MSRA: variants seen among roughly 807,000 people sequenced by gnomAD.
MSRA encodes the protein methionine sulfoxide reductase A, also known as mitochondrial peptide methionine sulfoxide reductase.
In MSRA, 54 loss-of-function variants were observed where a neutral mutation model predicts 31.3. The ratio of observed to expected loss-of-function variants is 1.73; its 90% CI spans 1.39 to 2.17. The LOEUF (loss-of-function observed/expected upper bound fraction) is 2.17, where lower values mean the gene tolerates loss of function less well. Ranked by LOEUF, MSRA falls within the 30% of genes most tolerant of loss-of-function variation. The pLI is 0.00. For synonymous variants in MSRA, 169 were observed against 116.5 expected (o/e 1.45, Z -2.90); for missense variants, 507 against 300.9 (o/e 1.69, Z -5.07).
chr8:10,304,025 TC>T (rs1375568851), intron 4 of MSRA, among the ~76,000 whole-genome samples: 1 of 152,218 alleles, frequency 6.6e-6, no homozygotes, highest in Non-Finnish European at 1.5e-5. Context: ...ACCCTCCACC[TC>T]CCAGGTGCAA....
At chr8:10,184,053 T>A (rs1202448067) in intron 1 of MSRA, among the ~76,000 whole-genome samples, 2 of 145,292 alleles carry the variant, frequency 1.4e-5, no homozygotes, top group Non-Finnish European at 3.1e-5. Flanking sequence ...CGTGATGTTG[T>A]TGGTGTTGGT....
chr8:10,399,508 G>A (rs1010018156), intron 5 of MSRA, among the ~76,000 whole-genome samples: 6 of 152,174 alleles, frequency 3.9e-5, no homozygotes, highest in Admixed American at 2.6e-4. Flanking sequence ...TGCTCTGGCC[G>A]TGCACCTGCT....
intron 5 of MSRA, among the ~76,000 whole-genome samples, chr8:10,405,736 C>T (rs936962421): frequency 4.6e-5 from 7 of 152,210 alleles, no homozygotes; most frequent in Admixed American, 2.0e-4. Flanking sequence ...CAATCACACA[C>T]GTGTGTTCAC....
intron 5 of MSRA, among the ~76,000 whole-genome samples, chr8:10,335,283 G>C (rs890647975): frequency 3.7e-5 from 2 of 53,788 alleles, no homozygotes; most frequent in Admixed American, 5.5e-4. Context: ...TGTAGTGTTT[G>C]AATTTGAAAT....
At chr8:10,232,113 G>T (rs1308318443) in intron 2 of MSRA, among the ~76,000 whole-genome samples, 1 of 152,148 alleles carries the variant, frequency 6.6e-6, no homozygotes, top group Non-Finnish European at 1.5e-5. Context: ...AGGGGTGGAG[G>T]CTGCCCTGGA....
chr8:10,143,056 A>G (rs912855100), intron 1 of MSRA, among the ~76,000 whole-genome samples: 6 of 152,318 alleles, frequency 3.9e-5, no homozygotes, highest in Non-Finnish European at 7.4e-5. Flanking sequence ...TCACTGGGGC[A>G]TGCTTTGACT....
rs372256146 is a variant in MSRA at position 10,127,905 on chromosome 8, G to A, written c.142+73247G>A. 8.3e-4 allele frequency among the ~76,000 whole-genome samples: 126 copies of A among 151,820 alleles called. 3 individuals carry two copies. The highest frequency in any genetic ancestry group is 2.6e-3 in the African/African-American group (109 of 41,380). ...AGAATGGATTTTTTATTGCCTTCAC[G>A]TGGGGTGGTTTCTTTGTGTACGTGA... On this transcript the variant is annotated intron_variant, in intron 1 of 5. Coordinates refer to ENST00000317173, the MANE Select transcript of MSRA (RefSeq NM_012331.5).
chr8:10,313,103 TC>T (rs1801524291), intron 4 of MSRA, among the ~76,000 whole-genome samples: 1 of 152,126 alleles, frequency 6.6e-6, no homozygotes, highest in African/African-American at 2.4e-5. Flanking sequence ...ATTCCTCTTC[TC>T]CCTTGAAGTG....
At chr8:10,121,866 A>C (rs1431295318) in intron 1 of MSRA, among the ~76,000 whole-genome samples, 1 of 151,506 alleles carries the variant, frequency 6.6e-6, no homozygotes, top group Admixed American at 6.6e-5. Flanking sequence ...TTTTTGGTAG[A>C]AACAGGGTTT....
intron 1 of MSRA, among the ~76,000 whole-genome samples, chr8:10,114,344 G>A (rs1800518089): frequency 6.6e-6 from 1 of 152,134 alleles, no homozygotes; most frequent in South Asian, 2.1e-4. Flanking sequence ...TTATCTGGGG[G>A]CCAGACGTAA....
chr8:10,326,877 G>C (rs1246684136), intron 5 of MSRA, among the ~76,000 whole-genome samples: 1 of 152,128 alleles, frequency 6.6e-6, no homozygotes, highest in Admixed American at 6.5e-5. Context: ...GTAGAGTGAG[G>C]GTGGTTCACG....
intron 5 of MSRA, among the ~76,000 whole-genome samples, chr8:10,354,183 A>G (rs1028790498): frequency 2.6e-5 from 4 of 152,198 alleles, no homozygotes; most frequent in African/African-American, 7.2e-5. Flanking sequence ...CCCTGAATGA[A>G]GGTTTACTTG....
chr8:10,303,343 G>C (rs1046008682), intron 4 of MSRA, among the ~76,000 whole-genome samples: 27 of 152,136 alleles, frequency 1.8e-4, no homozygotes, highest in Non-Finnish European at 3.5e-4. Flanking sequence ...TTGATTAATT[G>C]GGTTGCTAAT....
chr8:10,253,785 G>A (rs984830107), intron 3 of MSRA, among the ~76,000 whole-genome samples: 1 of 152,084 alleles, frequency 6.6e-6, no homozygotes, highest in African/African-American at 2.4e-5. Context: ...AATTTTATGG[G>A]ATATGCTGGG....
intron 5 of MSRA, among the ~76,000 whole-genome samples, chr8:10,413,163 G>A (rs1808255673): frequency 6.6e-6 from 1 of 152,196 alleles, no homozygotes; most frequent in African/African-American, 2.4e-5. Flanking sequence ...ATGAGGCCCT[G>A]CACAAGGGAA....
chr8:10,210,861 G>A (rs1028957353), intron 2 of MSRA, among the ~76,000 whole-genome samples: 1 of 151,420 alleles, frequency 6.6e-6, no homozygotes, highest in African/African-American at 2.4e-5. Flanking sequence ...AGCCTCCCAA[G>A]TAGCTGGGAT....
chr8:10,102,378 A>G (rs1799587785), intron 1 of MSRA, among the ~76,000 whole-genome samples: 1 of 152,118 alleles, frequency 6.6e-6, no homozygotes, highest in Non-Finnish European at 1.5e-5. Flanking sequence ...TCTTACCTTC[A>G]GATTCACCTA....
chr8:10,245,317 T>C, intron 3 of MSRA, 94 bp downstream of exon 3: 1 of 1,206,904 alleles, frequency 8.3e-7, no homozygotes, highest in East Asian at 2.4e-5. Context: ...GGAAATATGT[T>C]TTTTTAAAAA....
At chr8:10,376,559 A>T (rs1740879535) in intron 5 of MSRA, among the ~76,000 whole-genome samples, 1 of 152,194 alleles carries the variant, frequency 6.6e-6, no homozygotes, top group African/African-American at 2.4e-5. Context: ...GGTAAATGAT[A>T]AATAACTTAT....
Sources: allele counts gnomAD v4.1 joint callset (sites outside exome capture counted in the v4.1 genomes callset), GRCh38; gene constraint gnomAD v4.1.1; transcripts MANE v1.5; gene names NCBI Gene and HGNC (gene_info 2026-07-23, HGNC 2026-07-21).